BCCIP: variants seen among roughly 807,000 people sequenced by gnomAD.
BCCIP encodes the protein BRCA2 and CDKN1A interacting protein, also known as BRCA2 and CDKN1A-interacting protein.
In BCCIP, 23 loss-of-function variants were observed where a neutral mutation model predicts 32.8. The observed-to-expected ratio is 0.70, with a 90% confidence interval of 0.51 to 0.99. The LOEUF (loss-of-function observed/expected upper bound fraction) is 0.99, where lower values mean the gene tolerates loss of function less well. Ranked by LOEUF, BCCIP falls within the 50% of genes least tolerant of loss-of-function variation. BCCIP has a pLI of 0.00. For synonymous variants in BCCIP, 144 were observed against 137.6 expected (o/e 1.05, Z -0.33); for missense variants, 378 against 379.8 (o/e 1.00, Z 0.04).
rs767112617 is a variant in BCCIP, at chr10:125,833,974, A to C, written c.774+28A>C. The C allele has an allele frequency of 1.9e-6, 3 of 1,604,698 alleles. No homozygotes were observed. The Admixed American group carries it at 5.1e-5, about 27-fold the overall frequency. ...AAGACTATCCTGCTTATTTGTTTAG[A>C]TGTAAATAAGGATTTTCTTGAAAAT... is the stretch of plus-strand genomic sequence containing the variant. On this transcript the variant is annotated intron_variant, in intron 6 of 6. Transcript: ENST00000278100.
chr10:125,843,944 A>G (rs2134031533), downstream of BCCIP, among the ~76,000 whole-genome samples: 2 of 152,268 alleles, frequency 1.3e-5, no homozygotes, highest in Middle Eastern at 6.8e-3. Context: ...AATATGTTGA[A>G]TTTCCCTATT....
intron 5 of BCCIP, among the ~76,000 whole-genome samples, chr10:125,832,482 T>G (rs1365301538): frequency 6.6e-6 from 1 of 152,218 alleles, no homozygotes; most frequent in Non-Finnish European, 1.5e-5. Flanking sequence ...GCTTCTTATC[T>G]CCTGCTCCCT....
At chr10:125,830,716 A>G in intron 4 of BCCIP, 65 bp downstream of exon 4, 1 of 910,764 alleles carries the variant, frequency 1.1e-6, no homozygotes, top group South Asian at 1.5e-5. Flanking sequence ...TATTTAATGC[A>G]TGGTGAAAAT....
chr10:125,848,738 C>T (rs911731030), intron 7 of BCCIP, among the ~76,000 whole-genome samples: 1 of 152,164 alleles, frequency 6.6e-6, no homozygotes, highest in Admixed American at 6.5e-5. Context: ...GCTCAGGGCC[C>T]CTGTGGTGCA....
chr10:125,846,033 A>G (rs1383123690), downstream of BCCIP, among the ~76,000 whole-genome samples: 1 of 152,242 alleles, frequency 6.6e-6, no homozygotes, highest in African/African-American at 2.4e-5. Context: ...AGGAAGCTGA[A>G]TTTGTCTCCC....
exon 8 of BCCIP, chr10:125,853,317 T>C: frequency 3.6e-6 from 3 of 824,228 alleles, no homozygotes; most frequent in Non-Finnish European, 5.3e-6. Flanking sequence ...AATGGTAAAT[T>C]AGTCAATATT....
intron 2 of BCCIP, among the ~76,000 whole-genome samples, chr10:125,827,118 T>TA (rs569391936): frequency 4.6e-5 from 7 of 151,954 alleles, no homozygotes; most frequent in Non-Finnish European, 7.4e-5. Flanking sequence ...ATCTGCTAAT[T>TA]AGAGTTATTT....
downstream of BCCIP, among the ~76,000 whole-genome samples, chr10:125,845,108 C>G (rs1343644277): frequency 6.6e-6 from 1 of 152,232 alleles, no homozygotes; most frequent in Non-Finnish European, 1.5e-5. Flanking sequence ...AGCGCTAACT[C>G]CAAGCTGAGC....
At chr10:125,852,499 A>C in intron 7 of BCCIP, 1 of 1,613,378 alleles carries the variant, frequency 6.2e-7, no homozygotes, top group Non-Finnish European at 8.5e-7. Flanking sequence ...GGTTGCCTGC[A>C]TACAAGAATT....
intron 7 of BCCIP, among the ~76,000 whole-genome samples, chr10:125,851,233 A>G (rs995538043): frequency 6.6e-6 from 1 of 152,220 alleles, no homozygotes; most frequent in South Asian, 2.1e-4. Context: ...TTCCAAAACA[A>G]TGAGTCAGAA....
At chr10:125,839,185 C>T (rs766162520), downstream of BCCIP, 10 of 1,613,996 alleles carry the variant, frequency 6.2e-6, no homozygotes, top group Admixed American at 1.0e-4. Context: ...CTTTTCCACA[C>T]AGTCTAGGAG....
downstream of BCCIP, chr10:125,839,014 C>G: frequency 6.2e-7 from 1 of 1,613,770 alleles, no homozygotes; most frequent in South Asian, 1.1e-5. Flanking sequence ...CATAAAGTAA[C>G]CGGACAGAAG....
chr10:125,832,846 G>T (rs1418192376), intron 5 of BCCIP, among the ~76,000 whole-genome samples: 1 of 148,388 alleles, frequency 6.7e-6, no homozygotes, highest in Non-Finnish European at 1.5e-5. Flanking sequence ...CAGGTGTGGT[G>T]GCTGACACTT....
rs748457521 is a variant in BCCIP, at chr10:125,836,234, A to G, written c.905A>G (p.Asn302Ser). 2.5e-6 allele frequency: 4 copies of G among 1,614,222 alleles called. No individual in the cohort carries two copies. The East Asian group carries it at 8.9e-5, about 36-fold the overall frequency. ...ATGTTAATTCCAGGCGACAAGATGA[A>G]CGAAATCATGGATAAACTGAAAGAA... ...TVMLIPGDKM[N>S]EIMDKLKEYL... is the part of the protein sequence containing the mutation. The change falls in exon 7 of 7, where the codon AAC becomes AGC. Residue 302 changes from asparagine (N) to serine (S), a missense_variant. Transcript: ENST00000278100.
Position 125,836,444 on chromosome 10 carries a change from T to G in BCCIP, c.*170T>G. On this transcript the variant is annotated 3_prime_UTR_variant, in exon 7 of 7. Coordinates refer to ENST00000278100, the MANE Select transcript of BCCIP (RefSeq NM_078468.3). Reference sequence around the variant, plus strand: ...ACAAAATACCAGTTTTTTAAAATTTTGGTCAAATTATGAGTGGTTGATTTA... The same window carrying G: ...ACAAAATACCAGTTTTTTAAAATTTGGGTCAAATTATGAGTGGTTGATTTA... 1 of 1,432,496 alleles carries G rather than the reference T, an allele frequency of 7.0e-7. No individual in the cohort carries two copies. Among genetic ancestry groups the G allele is most frequent in the Non-Finnish European group, 9.1e-7 (1 of 1,099,870 alleles). 88.7% of individuals were successfully genotyped at this position (1,432,496 alleles called of 1,614,324 possible). A position where few individuals can be genotyped will look rare whatever the true frequency, so the allele number is the denominator to read the frequency against.
At chr10:125,823,859 A>C (rs1240085986) in intron 1 of BCCIP, 137 bp downstream of exon 1, 4 of 1,302,978 alleles carry the variant, frequency 3.1e-6, no homozygotes, top group Non-Finnish European at 4.2e-6. Context: ...GTTCTTTCTC[A>C]GGTTTCTCCT....
intron 5 of BCCIP, among the ~76,000 whole-genome samples, chr10:125,833,200 G>T (rs1170222045): frequency 1.3e-5 from 2 of 152,012 alleles, no homozygotes; most frequent in Non-Finnish European, 2.9e-5. Context: ...TTGTTCAAGG[G>T]CATCCAGATG....
At chr10:125,846,178 C>G (rs1045677308), downstream of BCCIP, among the ~76,000 whole-genome samples, 2 of 152,174 alleles carry the variant, frequency 1.3e-5, no homozygotes, top group Non-Finnish European at 2.9e-5. Context: ...GGTCTCCACT[C>G]CCAGTAACTG....
At chr10:125,840,626 C>T (rs1228281067), downstream of BCCIP, among the ~76,000 whole-genome samples, 1 of 152,238 alleles carries the variant, frequency 6.6e-6, no homozygotes, top group African/African-American at 2.4e-5. Flanking sequence ...TCTGGAAGTA[C>T]AGGCCCGCCA....
Sources: allele counts gnomAD v4.1 joint callset (sites outside exome capture counted in the v4.1 genomes callset), GRCh38; gene constraint gnomAD v4.1.1; transcripts MANE v1.5; gene names NCBI Gene and HGNC (gene_info 2026-07-23, HGNC 2026-07-21).